The following ZNF438 variants were observed in gnomAD, a reference collection of about 807,000 sequenced individuals.
The protein encoded by ZNF438 is zinc finger protein 438.
Under a neutral mutation model 38.0 loss-of-function variants are expected in ZNF438, and 25 were observed. The observed-to-expected ratio is 0.66, with a 90% CI of 0.48 to 0.92. The LOEUF (loss-of-function observed/expected upper bound fraction) is 0.92. Among genes scored for constraint, ZNF438 ranks in the 40% least tolerant of loss-of-function variants. ZNF438 has a pLI of 0.00. For synonymous variants in ZNF438, 372 were observed against 364.1 expected (o/e 1.02, Z -0.25); for missense variants, 1,007 against 999.6 (o/e 1.01, Z -0.10).
At chr10:30,914,995 A>T (rs1392628868) in intron 2 of ZNF438, among the ~76,000 whole-genome samples, 6 of 152,084 alleles carry the variant, frequency 3.9e-5, no homozygotes, top group Admixed American at 3.9e-4. Context: ...TTGTTTAGGC[A>T]GCTGGTCTTT....
chr10:30,851,404 A>G (rs2033605520), intron 4 of ZNF438, among the ~76,000 whole-genome samples: 1 of 152,256 alleles, frequency 6.6e-6, no homozygotes, highest in Non-Finnish European at 1.5e-5. Context: ...TCTAATTTCT[A>G]AGTATCTCAT....
intron 1 of ZNF438, among the ~76,000 whole-genome samples, chr10:31,029,843 C>T (rs536867490): frequency 4.5e-4 from 69 of 152,356 alleles, no homozygotes; most frequent in African/African-American, 1.6e-3. Context: ...GCTCTAAACA[C>T]TCTCACTGTG....
chr10:30,873,049 A>G (rs2037744360), intron 4 of ZNF438, among the ~76,000 whole-genome samples: 2 of 152,204 alleles, frequency 1.3e-5, no homozygotes, highest in African/African-American at 4.8e-5. Flanking sequence ...ATTTTTAATC[A>G]GTGTGGTGAC....
intron 1 of ZNF438, among the ~76,000 whole-genome samples, chr10:30,992,061 T>C (rs772579496): frequency 5.9e-5 from 9 of 152,184 alleles, no homozygotes; most frequent in African/African-American, 2.4e-5. Flanking sequence ...TAATCCAAGC[T>C]ACTAATCTAT....
intron 1 of ZNF438, among the ~76,000 whole-genome samples, chr10:30,948,965 G>A (rs1178577502): frequency 6.6e-6 from 1 of 152,166 alleles, no homozygotes; most frequent in East Asian, 1.9e-4. Context: ...CACCAGAGTT[G>A]AAATGAAGGA....
intron 2 of ZNF438, among the ~76,000 whole-genome samples, chr10:30,927,589 A>C (rs1445360018): frequency 6.6e-6 from 1 of 152,252 alleles, no homozygotes; most frequent in Admixed American, 6.5e-5. Flanking sequence ...ATGTTCCCTT[A>C]GTTTTAGCAG....
intron 2 of ZNF438, among the ~76,000 whole-genome samples, chr10:30,922,209 C>A (rs78288012): frequency 6.6e-6 from 1 of 152,010 alleles, no homozygotes; most frequent in African/African-American, 2.4e-5. Flanking sequence ...TTTCAGTGAG[C>A]GCAAAGCAAA....
intron 3 of ZNF438, among the ~76,000 whole-genome samples, chr10:30,892,525 C>A (rs2040823983): frequency 6.7e-6 from 1 of 148,998 alleles, no homozygotes; most frequent in African/African-American, 2.5e-5. Flanking sequence ...CTACAGTCTT[C>A]AAAAACTTTT....
intron 2 of ZNF438, among the ~76,000 whole-genome samples, chr10:30,922,934 T>C (rs918708024): frequency 1.3e-5 from 2 of 152,186 alleles, no homozygotes; most frequent in Non-Finnish European, 2.9e-5. Flanking sequence ...TTTCTAAGTA[T>C]GTTAGGTTAA....
chr10:30,908,160 T>A (rs1357597939), intron 3 of ZNF438, among the ~76,000 whole-genome samples: 1 of 152,214 alleles, frequency 6.6e-6, no homozygotes, highest in Non-Finnish European at 1.5e-5. Context: ...TATCATTTAA[T>A]TTCTACATAT....
At chr10:30,951,177 A>G (rs889102982) in intron 1 of ZNF438, among the ~76,000 whole-genome samples, 2 of 151,526 alleles carry the variant, frequency 1.3e-5, no homozygotes, top group Non-Finnish European at 2.9e-5. Context: ...ATGCAGAAAA[A>G]GCCTTTGACA....
Position 30,857,816 on chromosome 10 carries a change from A to G in ZNF438, c.38-7449T>C, listed in dbSNP as rs138002784. 5.4e-4 allele frequency: 710 copies of G among 1,323,352 alleles called. 7 individuals are homozygous for G. The East Asian group carries it at 0.017, about 32-fold the overall frequency. 82.0% of individuals were successfully genotyped at this position (1,323,352 alleles called of 1,614,324 possible). ...ATTTACATGTTAAAGGCAGTGGAGG[A>G]AAGAATGAGGGCTCAATAGCACTAG... On this transcript the variant is annotated intron_variant, in intron 4 of 5. Transcript: ENST00000413025.
At chr10:30,929,924 T>C (rs1036434146) in intron 2 of ZNF438, among the ~76,000 whole-genome samples, 1 of 152,200 alleles carries the variant, frequency 6.6e-6, no homozygotes, top group Non-Finnish European at 1.5e-5. Flanking sequence ...GAGTGCTGAT[T>C]GGTGCATTTA....
In ZNF438 at chr10:30,849,538, T is replaced by C. The variant is rs761692597; in HGVS notation, c.867A>G (p.Lys289=). The change falls in exon 5 of 6, where the codon AAA becomes AAG. Residue 289 remains lysine, a synonymous_variant. Transcript: ENST00000413025. ...AGTAGGGTGGGATTGGCAGTTTCCCTTTGGGGACTGAAGAGATCAACTGAA... is the reference window on the plus strand; with the variant it reads ...AGTAGGGTGGGATTGGCAGTTTCCCCTTGGGGACTGAAGAGATCAACTGAA... 60 of 1,614,252 alleles carry C rather than the reference T, an allele frequency of 3.7e-5. No individual in the cohort carries two copies. The East Asian group carries it at 7.6e-4, about 20-fold the overall frequency.
At chr10:30,920,335 G>A (rs1263350338) in intron 2 of ZNF438, 1 of 152,146 alleles carries the variant, frequency 6.6e-6, no homozygotes, top group East Asian at 1.9e-4. Context: ...TTCAGGTAGA[G>A]GTAACTTGTT....
At chr10:30,952,686 T>A (rs2048357783) in intron 1 of ZNF438, among the ~76,000 whole-genome samples, 1 of 126,638 alleles carries the variant, frequency 7.9e-6, no homozygotes, top group African/African-American at 3.0e-5. Context: ...GAAATGCAAA[T>A]CAAAACCACA....
At chr10:30,963,036 C>T (rs543586503) in intron 1 of ZNF438, among the ~76,000 whole-genome samples, 1 of 152,134 alleles carries the variant, frequency 6.6e-6, no homozygotes, top group African/African-American at 2.4e-5. Flanking sequence ...TTAAAATCTC[C>T]TTTACAAAAC....
intron 3 of ZNF438, among the ~76,000 whole-genome samples, chr10:30,882,916 A>G (rs2039458686): frequency 6.6e-6 from 1 of 152,182 alleles, no homozygotes; most frequent in Non-Finnish European, 1.5e-5. Context: ...AAAAATTTAA[A>G]AATTCTAATA....
At chr10:30,845,486 A>G (rs1461584894) in exon 6 of ZNF438, 15 of 1,614,054 alleles carry the variant, frequency 9.3e-6, no homozygotes, top group Non-Finnish European at 1.3e-5. Flanking sequence ...ACTGAGCAGT[A>G]ATCTGACAAC....
Sources: gnomAD v4.1 joint callset for allele counts (sites outside exome capture counted in the v4.1 genomes callset) on GRCh38, gnomAD v4.1.1 for gene constraint, MANE v1.5 for transcripts, NCBI Gene and HGNC (gene_info 2026-07-23, HGNC 2026-07-21) for gene names.